OPA3: variants seen among roughly 807,000 people sequenced by gnomAD.
OPA3 encodes the protein outer mitochondrial membrane lipid metabolism regulator OPA3, also known as optic atrophy 3 protein.
Under a neutral mutation model 4.0 loss-of-function variants are expected in OPA3, and 6 were observed. The observed-to-expected ratio is 1.51, with a 90% confidence interval of 0.83 to 2.99. The LOEUF is 2.99. OPA3 is among the 30% of genes most tolerant of loss of function. The pLI, the probability that OPA3 is intolerant of heterozygous loss-of-function variation, is 0.00. For missense variants in OPA3, 235 were observed against 256.2 expected, an observed-to-expected ratio of 0.92 and a Z score of 0.56; for synonymous variants, 105 against 117.1, an observed-to-expected ratio of 0.90 and a Z score of 0.67.
chr19:45,583,432 G>T (rs1969885461), intron 1 of OPA3, among the ~76,000 whole-genome samples: 1 of 151,852 alleles, frequency 6.6e-6, no homozygotes, highest in Admixed American at 6.6e-5. Flanking sequence ...GATTACAGGC[G>T]TGAGCCACCG....
At chr19:45,529,486 T>A in intron 1 of OPA3, 1 of 1,614,018 alleles carries the variant, frequency 6.2e-7, no homozygotes, top group South Asian at 1.1e-5. Flanking sequence ...TCAGGGGTCT[T>A]TTGCAGGGCA....
Position 45,546,466 on chromosome 19 carries a change from T to C in OPA3, c.*7048A>G, listed in dbSNP as rs973942407. On this transcript the variant is annotated 3_prime_UTR_variant, in exon 2 of 2. Transcript: ENST00000263275. ...ATACATAGAATTGTAAATTATTGTA[T>C]AAATATGCACACGATGGATTACATA... 4 of 617,172 alleles carry C rather than the reference T, an allele frequency of 6.5e-6. No homozygotes were observed. Among genetic ancestry groups the C allele is most frequent in the Non-Finnish European group, 8.1e-6 (4 of 494,664 alleles). 38.2% of individuals were successfully genotyped at this position (617,172 alleles called of 1,614,324 possible).
rs1007537755 is a variant in OPA3 at position 45,551,842 on chromosome 19, G to A, written c.*1672C>T. On this transcript the variant is annotated 3_prime_UTR_variant, in exon 2 of 2. Coordinates refer to ENST00000263275, the MANE Select transcript of OPA3 (RefSeq NM_025136.4). ...GAAAGCAAGAGCACACAGATTAGGAGACACGGATGGAAGATGAAGGATGTG... is the reference window on the plus strand; with the variant it reads ...GAAAGCAAGAGCACACAGATTAGGAAACACGGATGGAAGATGAAGGATGTG... The A allele has an allele frequency of 2.0e-6, 2 of 985,622 alleles. No individual in the cohort carries two copies. The allele number at this position is 985,622 out of a possible 1,614,324, so 61.1% of individuals were successfully genotyped here. A position where few individuals can be genotyped will look rare whatever the true frequency, so the allele number is the denominator to read the frequency against.
At chr19:45,560,365 G>T (rs961705064) in intron 1 of OPA3, among the ~76,000 whole-genome samples, 2 of 152,180 alleles carry the variant, frequency 1.3e-5, no homozygotes, top group Admixed American at 1.3e-4. Flanking sequence ...GGCAGGACCT[G>T]AGGCTAACTC....
intron 1 of OPA3, among the ~76,000 whole-genome samples, chr19:45,562,673 G>A (rs1198365142): frequency 6.6e-6 from 1 of 152,194 alleles, no homozygotes; most frequent in Non-Finnish European, 1.5e-5. Context: ...GAGACACAGC[G>A]AGACTCAGTC....
Position 45,553,921 on chromosome 19 carries a change from AAG to A in OPA3, c.143-12_143-11del. On this transcript the variant is annotated splice_polypyrimidine_tract_variant and intron_variant, in intron 1 of 1. Coordinates refer to ENST00000263275, the MANE Select transcript of OPA3 (RefSeq NM_025136.4). ...TCCACCCAGTGATACACTGCGGGGG[AAG>A]AGAGGGGTCAGGCTGCGCTCTGGGA... The A allele has an allele frequency of 6.3e-7, 1 of 1,599,308 alleles. No homozygotes were observed. Among genetic ancestry groups the A allele is most frequent in the South Asian group, 1.1e-5 (1 of 90,338 alleles).
chr19:45,580,014 TGATA>T (rs1969824739), intron 1 of OPA3, among the ~76,000 whole-genome samples: 2 of 147,768 alleles, frequency 1.4e-5, no homozygotes, highest in Admixed American at 6.7e-5. Flanking sequence ...TTTTTTTTTT[TGATA>T]TGGAGTCTCG....
At chr19:45,575,042 T>C (rs983055977) in intron 1 of OPA3, among the ~76,000 whole-genome samples, 1 of 152,132 alleles carries the variant, frequency 6.6e-6, no homozygotes, top group African/African-American at 2.4e-5. Flanking sequence ...GCAAAAGAAC[T>C]GTCCGGCTGA....
At chr19:45,543,907 T>C (rs1461705499), downstream of OPA3, among the ~76,000 whole-genome samples, 1 of 152,242 alleles carries the variant, frequency 6.6e-6, no homozygotes, top group African/African-American at 2.4e-5. Flanking sequence ...GTGAGCTACC[T>C]GATATCCTTC....
intron 1 of OPA3, among the ~76,000 whole-genome samples, chr19:45,572,887 T>C (rs1485151969): frequency 6.7e-6 from 1 of 149,954 alleles, no homozygotes; most frequent in African/African-American, 2.5e-5. Context: ...GCTGGAACTC[T>C]ATCTGAAGGA....
chr19:45,556,664 C>T (rs1599968322), intron 1 of OPA3, among the ~76,000 whole-genome samples: 2 of 152,320 alleles, frequency 1.3e-5, no homozygotes, highest in East Asian at 1.9e-4. Context: ...AGCCACTACA[C>T]ATTTTTCATC....
chr19:45,545,579 G>A (rs897872971), downstream of OPA3, among the ~76,000 whole-genome samples: 2 of 151,546 alleles, frequency 1.3e-5, no homozygotes, highest in African/African-American at 4.8e-5. Flanking sequence ...CAGAGGCTGA[G>A]CACAGTGGCT....
rs532237908 is a variant in OPA3, at chr19:45,557,274, G to A, written c.143-3363C>T. Reference sequence around the variant, plus strand: ...AGAGGGTGTGTGTGTGTGTGCACGCGTGTGTGCACGCAGGCATGGGCTTTC... The same window carrying A: ...AGAGGGTGTGTGTGTGTGTGCACGCATGTGTGCACGCAGGCATGGGCTTTC... On this transcript the variant is annotated intron_variant, in intron 1 of 1. Transcript: ENST00000263275. Among the ~76,000 whole-genome samples the A allele has an allele frequency of 7.9e-5, 12 of 152,258 alleles. No individual in the cohort carries two copies. In the East Asian group the frequency reaches 1.2e-3, roughly 15 times the overall value.
At chr19:45,579,809 GA>G (rs1419702105) in intron 1 of OPA3, among the ~76,000 whole-genome samples, 7 of 152,076 alleles carry the variant, frequency 4.6e-5, no homozygotes, top group African/African-American at 1.7e-4. Context: ...CCAGAGGCTG[GA>G]AGGTGCTGCA....
intron 1 of OPA3, among the ~76,000 whole-genome samples, chr19:45,557,880 C>G (rs1427386654): frequency 1.3e-5 from 2 of 152,224 alleles, no homozygotes; most frequent in African/African-American, 4.8e-5. Context: ...GTGTCCCCAG[C>G]ACTGCCCAGT....
intron 1 of OPA3, among the ~76,000 whole-genome samples, chr19:45,537,709 T>C (rs540428802): frequency 3.1e-4 from 47 of 152,082 alleles, no homozygotes; most frequent in African/African-American, 1.1e-3. Flanking sequence ...CTCGGCTCAC[T>C]GCAACCTCTG....
At chr19:45,561,541 G>A (rs138890272) in intron 1 of OPA3, among the ~76,000 whole-genome samples, 18 of 152,290 alleles carry the variant, frequency 1.2e-4, no homozygotes, top group African/African-American at 4.3e-4. Context: ...GCTGGCTACT[G>A]AGAGGCTAAA....
downstream of OPA3, among the ~76,000 whole-genome samples, chr19:45,542,674 T>G (rs1017888793): frequency 3.3e-4 from 48 of 146,300 alleles, no homozygotes; most frequent in African/African-American, 8.9e-4. Flanking sequence ...TGTTTTTTTT[T>G]TTTTTTTTTT....
intron 1 of OPA3, among the ~76,000 whole-genome samples, chr19:45,535,762 C>CTTTTT (rs370775683): frequency 3.3e-5 from 4 of 122,958 alleles, no homozygotes; most frequent in Non-Finnish European, 5.0e-5. Context: ...TTTTTCTTTT[C>CTTTTT]TTTTTTTTTT....
Sources: allele counts gnomAD v4.1 joint callset (sites outside exome capture counted in the v4.1 genomes callset), GRCh38; gene constraint gnomAD v4.1.1; transcripts MANE v1.5; gene names NCBI Gene and HGNC (gene_info 2026-07-23, HGNC 2026-07-21).